TPRG1: variants seen among roughly 807,000 people sequenced by gnomAD.
The protein encoded by TPRG1 is tumor protein p63-regulated gene 1 protein.
TPRG1 carries 29 observed loss-of-function variants against 29.3 expected under a neutral mutation model. That is an observed-to-expected ratio of 0.99 (90% CI 0.74 to 1.35). The LOEUF (loss-of-function observed/expected upper bound fraction) is 1.35, where lower values mean the gene tolerates loss of function less well. Among genes scored for constraint, TPRG1 ranks in the 40% most tolerant of loss-of-function variants. The probability of loss-of-function intolerance (pLI) is 0.00; values close to 1 mark genes in which losing one functional copy is unlikely to be tolerated. For synonymous variants in TPRG1, 130 were observed against 116.8 expected, an observed-to-expected ratio of 1.11 and a Z score of -0.73; for missense variants, 327 against 335.0, an observed-to-expected ratio of 0.98 and a Z score of 0.19.
chr3:189,166,228 A>G (rs1393861749), intron 5 of TPRG1, among the ~76,000 whole-genome samples: 1 of 152,226 alleles, frequency 6.6e-6, no homozygotes, highest in Non-Finnish European at 1.5e-5. Flanking sequence ...GATGAGTGCC[A>G]TAGGATCTTC....
chr3:189,276,722 C>T (rs1047105044), intron 4 of TPRG1, among the ~76,000 whole-genome samples: 3 of 152,150 alleles, frequency 2.0e-5, no homozygotes, highest in African/African-American at 7.2e-5. Flanking sequence ...TGGCTTGGCT[C>T]ATGGCTGTTC....
intron 1 of TPRG1, among the ~76,000 whole-genome samples, chr3:189,203,834 G>T (rs191046393): frequency 9.9e-4 from 150 of 152,192 alleles, no homozygotes; most frequent in Non-Finnish European, 1.4e-3. Flanking sequence ...GAGGTCCAGA[G>T]ATCAAGACCA....
intron 4 of TPRG1, among the ~76,000 whole-genome samples, chr3:189,026,349 C>T (rs2152127526): frequency 6.6e-6 from 1 of 152,292 alleles, no homozygotes; most frequent in Non-Finnish European, 1.5e-5. Flanking sequence ...ATTAGGGAGC[C>T]AGCCTTCAGA....
chr3:189,320,794 C>T lies in TPRG1; in HGVS notation c.802C>T (p.Leu268Phe), dbSNP rs755973665. ...IGNRNKLGYS[L>F]ARGSIGF is the part of the protein sequence containing the mutation. ...AAACCGCAACAAACTTGGCTATTCC[C>T]TTGCCCGTGGGAGTATTGGTTTTTG... The change falls in exon 6 of 6, where the codon CTT (leucine) becomes TTT (phenylalanine). Residue 268 changes from leucine (L) to phenylalanine (F), a missense_variant. By Grantham distance (22) the Leu-to-Phe change is conservative. Transcript: ENST00000345063. The T allele has an allele frequency of 6.2e-6, 10 of 1,604,034 alleles. No individual in the cohort carries two copies. The East Asian group carries it at 6.8e-5, about 11-fold the overall frequency.
At chr3:189,313,482 C>T (rs1427711367) in intron 5 of TPRG1, among the ~76,000 whole-genome samples, 1 of 152,032 alleles carries the variant, frequency 6.6e-6, no homozygotes, top group Non-Finnish European at 1.5e-5. Flanking sequence ...AAAACTGAAG[C>T]AATTTAATTC....
intron 3 of TPRG1, among the ~76,000 whole-genome samples, chr3:189,233,608 C>T (rs1739015130): frequency 6.6e-6 from 1 of 152,158 alleles, no homozygotes; most frequent in South Asian, 2.1e-4. Context: ...AAGACGGGCT[C>T]TCACAACAGA....
chr3:189,038,704 G>T (rs1714440114), intron 4 of TPRG1, among the ~76,000 whole-genome samples: 1 of 148,588 alleles, frequency 6.7e-6, no homozygotes, highest in Non-Finnish European at 1.5e-5. Context: ...ACTGGGGGAA[G>T]ATAATTACAA....
At chr3:189,089,458 T>G (rs1470660082) in intron 4 of TPRG1, among the ~76,000 whole-genome samples, 1 of 152,208 alleles carries the variant, frequency 6.6e-6, no homozygotes, top group African/African-American at 2.4e-5. Flanking sequence ...CATATTGGTA[T>G]TTTAGTCTAT....
intron 1 of TPRG1, among the ~76,000 whole-genome samples, chr3:189,118,077 G>T (rs1721392351): frequency 6.6e-6 from 1 of 152,164 alleles, no homozygotes; most frequent in Non-Finnish European, 1.5e-5. Flanking sequence ...AAGACAGGGA[G>T]ATATGGGAAA....
chr3:189,255,270 A>G (rs1346035717), intron 4 of TPRG1, among the ~76,000 whole-genome samples: 4 of 152,164 alleles, frequency 2.6e-5, no homozygotes, highest in Admixed American at 6.5e-5. Flanking sequence ...TTCTGCATTT[A>G]TTGAGATAAT....
chr3:189,231,943 T>TTG (rs10576562), intron 3 of TPRG1, among the ~76,000 whole-genome samples: 4,184 of 147,660 alleles, frequency 0.028, 101 homozygotes, highest in African/African-American at 0.069. Flanking sequence ...CAAACCTGGT[T>TTG]TGTGTGTGTG....
intron 3 of TPRG1, among the ~76,000 whole-genome samples, chr3:189,012,629 C>CT (rs1221363750): frequency 1.3e-5 from 2 of 152,028 alleles, no homozygotes; most frequent in African/African-American, 4.8e-5. Flanking sequence ...TGGTCCTGGA[C>CT]TTTTTTGGTT....
chr3:189,122,249 CA>C (rs1421313327), intron 1 of TPRG1, among the ~76,000 whole-genome samples: 1 of 151,982 alleles, frequency 6.6e-6, no homozygotes, highest in Non-Finnish European at 1.5e-5. Flanking sequence ...TTGTAAAAGC[CA>C]ACACCAAATG....
At chr3:189,259,473 T>A (rs1712589605) in intron 4 of TPRG1, among the ~76,000 whole-genome samples, 1 of 146,780 alleles carries the variant, frequency 6.8e-6, no homozygotes, top group Non-Finnish European at 1.5e-5. Context: ...TTTTTTTTTT[T>A]TTTTTTTTTT....
chr3:189,112,357 T>G (rs1720633539), intron 1 of TPRG1, among the ~76,000 whole-genome samples: 1 of 152,234 alleles, frequency 6.6e-6, no homozygotes, highest in Admixed American at 6.5e-5. Context: ...TTTCTTTTGC[T>G]GTGCAGAATC....
At chr3:189,232,222 T>G (rs1285394303) in intron 3 of TPRG1, among the ~76,000 whole-genome samples, 1 of 152,174 alleles carries the variant, frequency 6.6e-6, no homozygotes, top group Non-Finnish European at 1.5e-5. Context: ...GGATACTCTG[T>G]CTGTCTTATA....
intron 3 of TPRG1, among the ~76,000 whole-genome samples, chr3:189,231,265 C>CATATATATATATATATATATATATATAT (rs149177739): frequency 2.2e-4 from 32 of 144,268 alleles, no homozygotes; most frequent in African/African-American, 7.7e-4. Flanking sequence ...ACCTATAAAA[C>CATATATATATATATATATATATATATAT]ATATATATAT....
At chr3:189,186,592 T>C (rs1168227385) in intron 1 of TPRG1, among the ~76,000 whole-genome samples, 2 of 152,114 alleles carry the variant, frequency 1.3e-5, no homozygotes, top group Non-Finnish European at 2.9e-5. Flanking sequence ...GCTCTTTTAG[T>C]CTTATTGATT....
intron 4 of TPRG1, among the ~76,000 whole-genome samples, chr3:189,262,203 G>GGTATAAGTATAAGTATAAGTATAA (rs59142894): frequency 0.02 from 2,831 of 141,516 alleles, 79 homozygotes; most frequent in African/African-American, 0.047. Flanking sequence ...GAGAAGACTT[G>GGTATAAGTATAAGTATAAGTATAA]GTATAAGTAT....
Sources: allele counts gnomAD v4.1 joint callset (sites outside exome capture counted in the v4.1 genomes callset), GRCh38; gene constraint gnomAD v4.1.1; transcripts MANE v1.5; gene names NCBI Gene and HGNC (gene_info 2026-07-23, HGNC 2026-07-21).